The following XPO4 variants were observed in gnomAD, a reference collection of about 807,000 sequenced individuals.
The protein encoded by XPO4 is exportin-4.
Under a neutral mutation model 143.0 loss-of-function variants are expected in XPO4, and 39 were observed. That is an observed-to-expected ratio of 0.27 (90% confidence interval 0.21 to 0.36). The LOEUF is 0.36. XPO4 is among the 10% of genes least tolerant of loss of function. The pLI is 1.00. For synonymous variants in XPO4, 439 were observed against 474.0 expected (o/e 0.93, Z 0.96); for missense variants, 907 against 1,348.0 (o/e 0.67, Z 5.12).
intron 4 of XPO4, among the ~76,000 whole-genome samples, chr13:20,848,049 C>T (rs537056882): frequency 1.3e-5 from 2 of 152,174 alleles, no homozygotes; most frequent in Non-Finnish European, 1.5e-5. Context: ...CCGTTGGCAA[C>T]GTGGTGCCAG....
rs114288077 is a variant in XPO4 at position 20,853,110 on chromosome 13, C to T, written c.456+2517G>A. The stretch of plus-strand genomic sequence containing the variant: ...ATTTTGGAAGGCTGAGGCAAGAGAT[C>T]ACTTGAGCCCAGGAGTTCGAGACCA... On this transcript the variant is annotated intron_variant, in intron 4 of 22. Coordinates refer to ENST00000255305, the MANE Select transcript of XPO4 (RefSeq NM_022459.5). 6.0e-4 allele frequency: 543 copies of T among 911,282 alleles called. 2 individuals carry two copies. The African/African-American group carries it at 7.7e-3, about 13-fold the overall frequency. The allele number at this position is 911,282 out of a possible 1,614,324, so 56.4% of individuals were successfully genotyped here.
intron 1 of XPO4, chr13:20,901,982 A>G: frequency 5.4e-6 from 4 of 745,928 alleles, no homozygotes; most frequent in South Asian, 6.0e-5. Flanking sequence ...TTAGTAAACA[A>G]TCTCATCAAA....
At chr13:20,856,978 C>T in intron 3 of XPO4, 1 of 699,970 alleles carries the variant, frequency 1.4e-6, no homozygotes, top group Non-Finnish European at 1.8e-6. Context: ...ATGCAAAGCA[C>T]ACTACCTGCT....
intron 1 of XPO4, among the ~76,000 whole-genome samples, chr13:20,901,524 G>A (rs1401300719): frequency 6.6e-6 from 1 of 152,204 alleles, no homozygotes; most frequent in African/African-American, 2.4e-5. Flanking sequence ...GCAAAAGTGT[G>A]AAAACCTTCA....
intron 7 of XPO4, among the ~76,000 whole-genome samples, chr13:20,823,470 T>C (rs1387552255): frequency 6.6e-6 from 1 of 152,148 alleles, no homozygotes; most frequent in African/African-American, 2.4e-5. Flanking sequence ...CTGACATGCT[T>C]AAAATATGCT....
chr13:20,876,706 A>G (rs1207339073), intron 1 of XPO4, among the ~76,000 whole-genome samples: 1 of 152,208 alleles, frequency 6.6e-6, no homozygotes, highest in African/African-American at 2.4e-5. Flanking sequence ...ATTTAAAGGC[A>G]CCATTAAGTA....
At chr13:20,857,402 G>A (rs1287557099) in intron 3 of XPO4, among the ~76,000 whole-genome samples, 1 of 152,130 alleles carries the variant, frequency 6.6e-6, no homozygotes, top group African/African-American at 2.4e-5. Flanking sequence ...TAATCCCCAT[G>A]ATACTACTAC....
chr13:20,832,755 A>G (rs1217651359), intron 6 of XPO4, among the ~76,000 whole-genome samples: 1 of 152,178 alleles, frequency 6.6e-6, no homozygotes, highest in Non-Finnish European at 1.5e-5. Flanking sequence ...CCAAGCAACC[A>G]CAAATCCTTT....
In XPO4 at chr13:20,787,197, A is replaced by T. The variant is rs537164383; in HGVS notation, c.3166-140T>A. 4.9e-5 allele frequency: 37 copies of T among 750,114 alleles called. No homozygotes were observed. The African/African-American group carries it at 5.8e-4, about 12-fold the overall frequency. The allele number at this position is 750,114 out of a possible 1,614,324, so 46.5% of individuals were successfully genotyped here. On this transcript the variant is annotated intron_variant, in intron 21 of 22. Transcript: ENST00000255305. The stretch of plus-strand genomic sequence containing the variant: ...AATCTGAAATTTTCCTTAATGTTTT[A>T]AAAAAAATACCTTACAGATATTGCT...
At chr13:20,851,842 A>G (rs986352571) in intron 4 of XPO4, 4 of 985,286 alleles carry the variant, frequency 4.1e-6, no homozygotes, top group African/African-American at 1.7e-5. Flanking sequence ...CTATGAAGAG[A>G]GCAAAATCTT....
intron 1 of XPO4, among the ~76,000 whole-genome samples, chr13:20,871,849 T>C (rs892040428): frequency 4.6e-5 from 7 of 152,230 alleles, no homozygotes; most frequent in African/African-American, 9.6e-5. Context: ...GAAGATGATA[T>C]TCTATTTATG....
chr13:20,868,768 T>C (rs1281797393), intron 1 of XPO4, 67 bp from the exon 2 acceptor site: 2 of 1,457,924 alleles, frequency 1.4e-6, no homozygotes, highest in Non-Finnish European at 1.9e-6. Flanking sequence ...ATCAATATTT[T>C]TACCCACAAG....
intron 4 of XPO4, among the ~76,000 whole-genome samples, chr13:20,855,209 A>ACTTC (rs2060130465): frequency 6.6e-6 from 1 of 152,172 alleles, no homozygotes; most frequent in South Asian, 2.1e-4. Flanking sequence ...TAATACCAGC[A>ACTTC]CTTCGGGAGG....
chr13:20,779,679 C>CCTTACAGCAGGAAACTTACCT lies in XPO4; in HGVS notation c.*4042_*4043insAGGTAAGTTTCCTGCTGTAAG, dbSNP rs1555328418. ...TTTACTAAGACTTACCCATAGAGAA[C>CCTTACAGCAGGAAACTTACCT]TACAGCAGGAAACCGATTTCTTCAT... is the stretch of plus-strand genomic sequence containing the variant. On this transcript the variant is annotated 3_prime_UTR_variant, in exon 23 of 23. Coordinates refer to ENST00000255305, the MANE Select transcript of XPO4 (RefSeq NM_022459.5). 1 of 152,640 alleles carries CCTTACAGCAGGAAACTTACCT rather than the reference C, an allele frequency of 6.6e-6. No homozygotes were observed. Among genetic ancestry groups the CCTTACAGCAGGAAACTTACCT allele is most frequent in the Non-Finnish European group, 1.5e-5 (1 of 68,040 alleles). The allele number at this position is 152,640 out of a possible 1,614,324, so 9.5% of individuals were successfully genotyped here. A position where few individuals can be genotyped will look rare whatever the true frequency, so the allele number is the denominator to read the frequency against.
At chr13:20,822,754 ACATT>A (rs567258494) in intron 7 of XPO4, among the ~76,000 whole-genome samples, 1 of 152,246 alleles carries the variant, frequency 6.6e-6, no homozygotes, top group Non-Finnish European at 1.5e-5. Flanking sequence ...GAATCCCTAG[ACATT>A]CATGCATTCA....
At position 20,821,190 on chromosome 13, in the gene XPO4, T is replaced by C. The variant is rs1050961506; in HGVS notation, c.1173+514A>G. Among the ~76,000 whole-genome samples the C allele has an allele frequency of 8.7e-4, 132 of 152,078 alleles. 1 individual carries two copies. The highest frequency in any genetic ancestry group is 3.1e-3 in the African/African-American group (129 of 41,408). ...AATTAAATTCTACCAGGATACACTA[T>C]TAAAGCATTATCATCCAAAAAATTA... On this transcript the variant is annotated intron_variant, in intron 9 of 22. Transcript: ENST00000255305.
At chr13:20,804,086 C>T (rs1486954142) in intron 13 of XPO4, among the ~76,000 whole-genome samples, 1 of 151,732 alleles carries the variant, frequency 6.6e-6, no homozygotes, top group Admixed American at 6.6e-5. Context: ...ACCCTTGTAG[C>T]AAAGCCCATC....
chr13:20,846,444 G>A (rs1205512916), intron 4 of XPO4, among the ~76,000 whole-genome samples: 3 of 152,112 alleles, frequency 2.0e-5, no homozygotes, highest in Non-Finnish European at 4.4e-5. Flanking sequence ...GAGCCCTAGT[G>A]GCATGGAACT....
intron 6 of XPO4, among the ~76,000 whole-genome samples, chr13:20,829,536 AG>A (rs2059826877): frequency 6.6e-6 from 1 of 152,182 alleles, no homozygotes; most frequent in African/African-American, 2.4e-5. Flanking sequence ...GATCCCTCAG[AG>A]TAAGAAGGCA....
Sources: allele counts gnomAD v4.1 joint callset (sites outside exome capture counted in the v4.1 genomes callset), GRCh38; gene constraint gnomAD v4.1.1; transcripts MANE v1.5; gene names NCBI Gene and HGNC (gene_info 2026-07-23, HGNC 2026-07-21).